The following TCF20 variants were observed in gnomAD, a reference collection of about 807,000 sequenced individuals.
TCF20 encodes transcription factor 20.
A neutral mutation model predicts 148.6 loss-of-function variants in TCF20; 3 were observed. The observed-to-expected ratio is 0.02, with a 90% CI of 0.01 to 0.05. The LOEUF is 0.05. Among genes scored for constraint, TCF20 ranks in the 10% least tolerant of loss-of-function variants. The probability of loss-of-function intolerance (pLI) is 1.00; values close to 1 mark genes in which losing one functional copy is unlikely to be tolerated. For synonymous variants in TCF20, 1,049 were observed against 909.5 expected (o/e 1.15, Z -2.76); for missense variants, 2,350 against 2,429.3 (o/e 0.97, Z 0.69).
In TCF20 at chr22:42,317,473, A is replaced by G. The variant is rs1927652587; in HGVS notation, c.-37+26006T>C. ...TCCTCCCACTATGTCTGGCCCACCAAGCCCACCTAGGCCCTTCCCCAGTGT... is the reference window on the plus strand; with the variant it reads ...TCCTCCCACTATGTCTGGCCCACCAGGCCCACCTAGGCCCTTCCCCAGTGT... On this transcript the variant is annotated intron_variant, in intron 1 of 1. Coordinates refer to the TCF20 transcript ENST00000515426. The surrounding 1 kb of genome is among the most constrained non-coding windows in gnomAD (Gnocchi z 4.2). Among the ~76,000 whole-genome samples, 1 of 152,166 alleles carries G rather than the reference A, an allele frequency of 6.6e-6. No individual in the cohort carries two copies. Among genetic ancestry groups the G allele is most frequent in the Admixed American group, 6.5e-5 (1 of 15,284 alleles).
rs548811648 is a variant in TCF20, at chr22:42,260,802, A to G, written c.-37+9537T>C. 5.3e-5 allele frequency among the ~76,000 whole-genome samples: 8 copies of G among 152,326 alleles called. No homozygotes were observed. In the East Asian group the frequency reaches 1.5e-3, roughly 29 times the overall value. ...ACTGGCCCAAACTTATGTTTTGAAT[A>G]TAACGCGAACAGAACCTGCTGAGCA... On this transcript the variant is annotated intron_variant, in intron 1 of 5. Coordinates refer to ENST00000677622, the MANE Select transcript of TCF20 (RefSeq NM_001378418.1).
upstream of TCF20, among the ~76,000 whole-genome samples, chr22:42,270,888 C>T (rs1162486411): frequency 6.6e-6 from 1 of 151,318 alleles, no homozygotes; most frequent in Non-Finnish European, 1.5e-5. Flanking sequence ...TCTGCGGCCG[C>T]TGGGCGCCGC....
intron 1 of TCF20, among the ~76,000 whole-genome samples, chr22:42,342,219 C>A (rs1928180182): frequency 6.6e-6 from 1 of 152,106 alleles, no homozygotes; most frequent in Non-Finnish European, 1.5e-5. Context: ...GCAATGGCGT[C>A]CCAATGGACA....
intron 5 of TCF20, among the ~76,000 whole-genome samples, chr22:42,163,848 C>T (rs1935612413): frequency 6.6e-6 from 1 of 152,194 alleles, no homozygotes; most frequent in Non-Finnish European, 1.5e-5. Flanking sequence ...TCCAGGGTTT[C>T]GTCTTGGGCC....
chr22:42,253,340 G>A (rs565235847), intron 1 of TCF20, among the ~76,000 whole-genome samples: 3 of 151,896 alleles, frequency 2.0e-5, no homozygotes, highest in Non-Finnish European at 2.9e-5. Context: ...ATTTCCTAAC[G>A]AATCACTAAG....
chr22:42,178,054 A>C (rs1936549817), intron 3 of TCF20, among the ~76,000 whole-genome samples: 1 of 152,146 alleles, frequency 6.6e-6, no homozygotes, highest in African/African-American at 2.4e-5. Flanking sequence ...CTACATGATG[A>C]AGCCTCCAAA....
chr22:42,168,772 G>T (rs1487329191), intron 4 of TCF20, 36 bp from the exon 5 acceptor site: 1 of 1,582,190 alleles, frequency 6.3e-7, no homozygotes, highest in East Asian at 2.3e-5. Context: ...ACAGACAGGT[G>T]GGAGAGGACA....
intron 1 of TCF20, among the ~76,000 whole-genome samples, chr22:42,251,492 CTTTTTTTTTTTTTTTT>C (rs71184878): frequency 2.1e-5 from 1 of 47,008 alleles, no homozygotes; most frequent in African/African-American, 9.0e-5. Flanking sequence ...AAACAAGTGT[CTTTTTTTTTTTTTTTT>C]TTTTTTTTTT....
At chr22:42,195,201 T>C (rs942788486) in intron 2 of TCF20, among the ~76,000 whole-genome samples, 5 of 150,896 alleles carry the variant, frequency 3.3e-5, no homozygotes, top group African/African-American at 1.2e-4. Flanking sequence ...ATTCACCCAG[T>C]GGCAACTCAC....
chr22:42,294,998 G>A (rs1012420256), intron 1 of TCF20, among the ~76,000 whole-genome samples: 1 of 152,210 alleles, frequency 6.6e-6, no homozygotes, highest in Non-Finnish European at 1.5e-5. Context: ...GCGCTGCCTA[G>A]AGGCAGGGGC....
At chr22:42,192,670 C>G (rs2147133758) in intron 2 of TCF20, among the ~76,000 whole-genome samples, 1 of 152,282 alleles carries the variant, frequency 6.6e-6, no homozygotes, top group Non-Finnish European at 1.5e-5. Context: ...AAATCCTAAG[C>G]CAGCCCCTGC....
chr22:42,224,534 C>CAAAAAAAAAAAAA (rs66858906), intron 1 of TCF20, among the ~76,000 whole-genome samples: 2 of 39,522 alleles, frequency 5.1e-5, no homozygotes, highest in African/African-American at 1.9e-4. Context: ...AAAGCTGGTA[C>CAAAAAAAAAAAAA]AAAAAAAAAA....
chr22:42,160,828 C>G lies in TCF20; in HGVS notation c.*575G>C, dbSNP rs1935399822. ...TTCTGCTGTGGTTTGCTTTTTCAATCCTGGGTCTAGTGTTTTCTGAACTGG... is the reference window on the plus strand; with the variant it reads ...TTCTGCTGTGGTTTGCTTTTTCAATGCTGGGTCTAGTGTTTTCTGAACTGG... On this transcript the variant is annotated 3_prime_UTR_variant, in exon 6 of 6. Coordinates refer to ENST00000677622, the MANE Select transcript of TCF20 (RefSeq NM_001378418.1). 1 of 151,964 alleles carries G rather than the reference C, an allele frequency of 6.6e-6. No individual in the cohort carries two copies. Among genetic ancestry groups the G allele is most frequent in the Non-Finnish European group, 1.5e-5 (1 of 68,100 alleles). 9.4% of individuals were successfully genotyped at this position (151,964 alleles called of 1,614,324 possible).
At chr22:42,241,554 C>T (rs534749657) in intron 1 of TCF20, among the ~76,000 whole-genome samples, 11 of 152,164 alleles carry the variant, frequency 7.2e-5, no homozygotes, top group Non-Finnish European at 1.6e-4. Context: ...TCGGCTGGCG[C>T]GGTGGCTCAT....
chr22:42,165,761 G>A (rs747856668), intron 5 of TCF20, among the ~76,000 whole-genome samples: 71 of 152,374 alleles, frequency 4.7e-4, no homozygotes, highest in Admixed American at 2.2e-3. Flanking sequence ...CCAGTGTGCT[G>A]TGCTGGCACT....
chr22:42,298,958 C>T (rs1158677009), intron 1 of TCF20, among the ~76,000 whole-genome samples: 1 of 152,210 alleles, frequency 6.6e-6, no homozygotes, highest in African/African-American at 2.4e-5. Context: ...GGCCGGGCAC[C>T]ACGGCCAGCA....
At chr22:42,203,076 TATA>T in intron 2 of TCF20, among the ~76,000 whole-genome samples, 1 of 152,366 alleles carries the variant, frequency 6.6e-6, no homozygotes, top group South Asian at 2.1e-4. Context: ...GTAATTAACA[TATA>T]ATAACTTGTG....
At chr22:42,189,720 T>TATC (rs1342279088) in intron 2 of TCF20, among the ~76,000 whole-genome samples, 1 of 152,228 alleles carries the variant, frequency 6.6e-6, no homozygotes, top group Non-Finnish European at 1.5e-5. Flanking sequence ...TTTTTTTCCG[T>TATC]ATCATTTTAC....
chr22:42,265,283 A>C (rs1926224636), intron 1 of TCF20, among the ~76,000 whole-genome samples: 1 of 152,174 alleles, frequency 6.6e-6, no homozygotes, highest in African/African-American at 2.4e-5. Flanking sequence ...TACTAACTAT[A>C]AATACCTTGA....
Sources: gnomAD v4.1 joint callset for allele counts (sites outside exome capture counted in the v4.1 genomes callset) on GRCh38, gnomAD v4.1.1 for gene constraint, Gnocchi (gnomAD v3.1) non-coding constraint, MANE v1.5 for transcripts, NCBI Gene and HGNC (gene_info 2026-07-23, HGNC 2026-07-21) for gene names.